SPRED2: variants seen among roughly 807,000 people sequenced by gnomAD.
SPRED2 encodes the protein sprouty related EVH1 domain containing 2.
A neutral mutation model predicts 43.0 loss-of-function variants in SPRED2; 47 were observed. That is an observed-to-expected ratio of 1.09 (90% CI 0.87 to 1.40). The LOEUF is 1.40. SPRED2 is among the 40% of genes most tolerant of loss of function. The pLI is 0.00. For missense variants in SPRED2, 561 were observed against 586.4 expected, an observed-to-expected ratio of 0.96 and a Z score of 0.45; for synonymous variants, 225 against 225.7, an observed-to-expected ratio of 1.00 and a Z score of 0.03.
At chr2:65,387,838 G>A (rs1015059879) in intron 1 of SPRED2, among the ~76,000 whole-genome samples, 1 of 151,546 alleles carries the variant, frequency 6.6e-6, no homozygotes, top group Non-Finnish European at 1.5e-5. Flanking sequence ...TGTTGCCCAG[G>A]CTGGAGTGCA....
chr2:65,432,125 C>T lies in SPRED2; in HGVS notation c.-138G>A, dbSNP rs1668886081. ...GGGGCGGCTAGAGATGAAGAGGGCG[C>T]CGCAGCAGAAGGGGAAGCAGGGCGC... On this transcript the variant is annotated 5_prime_UTR_variant, in exon 1 of 6. Transcript: ENST00000356388. The T allele has an allele frequency of 1.8e-6, 2 of 1,119,480 alleles. No individual in the cohort carries two copies. The highest frequency in any genetic ancestry group is 2.0e-5 in the Admixed American group (1 of 50,456). The allele number at this position is 1,119,480 out of a possible 1,614,324, so 69.3% of individuals were successfully genotyped here.
chr2:65,338,737 G>A (rs1319852045), intron 2 of SPRED2, among the ~76,000 whole-genome samples: 71 of 151,552 alleles, frequency 4.7e-4, no homozygotes, highest in African/African-American at 1.5e-3. Flanking sequence ...GGGAAGTGAG[G>A]AGCGTCTCTG....
At chr2:65,415,679 A>G (rs1332779223) in intron 1 of SPRED2, among the ~76,000 whole-genome samples, 2 of 152,220 alleles carry the variant, frequency 1.3e-5, no homozygotes, top group East Asian at 3.8e-4. Flanking sequence ...TTTAAAATAA[A>G]AATAAAAACC....
chr2:65,409,294 A>G (rs1558688456), intron 1 of SPRED2, among the ~76,000 whole-genome samples: 1 of 152,216 alleles, frequency 6.6e-6, no homozygotes, highest in African/African-American at 2.4e-5. Context: ...CAATTATAAC[A>G]TACAAGCGGC....
intron 2 of SPRED2, among the ~76,000 whole-genome samples, chr2:65,338,923 A>G (rs1232186772): frequency 1.6e-4 from 23 of 144,908 alleles, no homozygotes; most frequent in East Asian, 4.2e-4. Context: ...CCATCGTCTG[A>G]GATGTGGGGA....
At chr2:65,315,382 T>A (rs911213797) in intron 5 of SPRED2, among the ~76,000 whole-genome samples, 1 of 152,170 alleles carries the variant, frequency 6.6e-6, no homozygotes, top group East Asian at 1.9e-4. Context: ...TTGATAACTC[T>A]CGCCATCACA....
chr2:65,376,671 G>A (rs1009531032), intron 1 of SPRED2, among the ~76,000 whole-genome samples: 2 of 152,044 alleles, frequency 1.3e-5, no homozygotes, highest in South Asian at 2.1e-4. Flanking sequence ...TAGCAAGCAC[G>A]TTATTCACAT....
chr2:65,411,955 A>G (rs1489216960), intron 1 of SPRED2, among the ~76,000 whole-genome samples: 2 of 152,184 alleles, frequency 1.3e-5, no homozygotes, highest in African/African-American at 4.8e-5. Flanking sequence ...GTGAAACTTC[A>G]TCTCTACTAA....
At chr2:65,346,394 T>TACAA (rs1327514125) in intron 1 of SPRED2, among the ~76,000 whole-genome samples, 3 of 152,104 alleles carry the variant, frequency 2.0e-5, no homozygotes, top group Non-Finnish European at 4.4e-5. Context: ...TTTTTAAGTA[T>TACAA]ACAAGTTCAG....
chr2:65,330,673 T>C (rs1558654175), intron 4 of SPRED2, among the ~76,000 whole-genome samples: 1 of 152,194 alleles, frequency 6.6e-6, no homozygotes, highest in Non-Finnish European at 1.5e-5. Context: ...GTGTTATACA[T>C]GCTACAGGTT....
chr2:65,366,763 C>T (rs1674991976), intron 1 of SPRED2: 1 of 1,423,022 alleles, frequency 7.0e-7, no homozygotes, highest in African/African-American at 1.5e-5. Context: ...GACAAATATA[C>T]TGCATTGTAC....
intron 1 of SPRED2, among the ~76,000 whole-genome samples, chr2:65,430,720 A>G (rs1676659091): frequency 1.3e-5 from 2 of 152,026 alleles, no homozygotes; most frequent in Non-Finnish European, 2.9e-5. Flanking sequence ...GCTGCCAACC[A>G]GCTCTTTGCG....
In SPRED2 at chr2:65,362,947, G is replaced by A. The variant is rs1171342260; in HGVS notation, c.27-18051C>T. The stretch of plus-strand genomic sequence containing the variant: ...ACCCAGCACTTTGGGAGGCCGAGGC[G>A]GGCGAGCAGGCCAGCCTGCTTCTGC... On this transcript the variant is annotated intron_variant, in intron 1 of 5. Coordinates refer to ENST00000356388, the MANE Select transcript of SPRED2 (RefSeq NM_181784.3). Among the ~76,000 whole-genome samples the A allele has an allele frequency of 4.0e-5, 6 of 150,872 alleles. No individual in the cohort carries two copies. The East Asian group carries it at 7.8e-4, about 20-fold the overall frequency.
At chr2:65,326,902 A>T (rs1219092903) in intron 4 of SPRED2, among the ~76,000 whole-genome samples, 1 of 152,090 alleles carries the variant, frequency 6.6e-6, no homozygotes, top group African/African-American at 2.4e-5. Context: ...GTACAGTGGT[A>T]CAATCACAGC....
At chr2:65,431,016 A>G (rs542783010) in intron 1 of SPRED2, among the ~76,000 whole-genome samples, 1 of 151,820 alleles carries the variant, frequency 6.6e-6, no homozygotes, top group Non-Finnish European at 1.5e-5. Flanking sequence ...AACGCCTCAG[A>G]CCAGGGAGGG....
At chr2:65,341,540 C>T (rs532047339) in intron 2 of SPRED2, among the ~76,000 whole-genome samples, 1 of 152,136 alleles carries the variant, frequency 6.6e-6, no homozygotes, top group South Asian at 2.1e-4. Flanking sequence ...TGAGCTCAAA[C>T]GCAGGCTCTG....
intron 2 of SPRED2, among the ~76,000 whole-genome samples, chr2:65,335,801 G>T (rs1388208237): frequency 6.6e-6 from 1 of 152,140 alleles, no homozygotes; most frequent in African/African-American, 2.4e-5. Context: ...GCAATAATTT[G>T]AACGTAAACT....
intron 1 of SPRED2, among the ~76,000 whole-genome samples, chr2:65,368,566 T>C (rs545408391): frequency 1.3e-5 from 2 of 152,176 alleles, no homozygotes; most frequent in African/African-American, 2.4e-5. Context: ...ATTTCAGTAA[T>C]GAAAAATACA....
chr2:65,393,326 C>CTTTTTTTTTTTTTTTTT (rs55696467), intron 1 of SPRED2, among the ~76,000 whole-genome samples: 1 of 141,692 alleles, frequency 7.1e-6, no homozygotes. Context: ...AATCATAAGG[C>CTTTTTTTTTTTTTTTTT]TTTTTTTTTT....
Sources: gnomAD v4.1 joint callset for allele counts (sites outside exome capture counted in the v4.1 genomes callset) on GRCh38, gnomAD v4.1.1 for gene constraint, MANE v1.5 for transcripts, NCBI Gene and HGNC (gene_info 2026-07-23, HGNC 2026-07-21) for gene names.